IGSF21: variants seen among roughly 807,000 people sequenced by gnomAD.
The protein encoded by IGSF21 is immunoglobin superfamily member 21.
Under a neutral mutation model 46.8 loss-of-function variants are expected in IGSF21, and 28 were observed. The observed-to-expected ratio is 0.60, with a 90% CI of 0.44 to 0.82. The LOEUF is 0.82. Ranked by LOEUF, IGSF21 falls within the 40% of genes least tolerant of loss-of-function variation. The probability of loss-of-function intolerance (pLI) is 0.00; values close to 1 mark genes in which losing one functional copy is unlikely to be tolerated. For missense variants in IGSF21, 624 were observed against 665.5 expected (o/e 0.94, Z 0.69); for synonymous variants, 284 against 273.6 (o/e 1.04, Z -0.38).
At chr1:18,202,505 G>A (rs1037575824) in intron 1 of IGSF21, among the ~76,000 whole-genome samples, 8 of 152,204 alleles carry the variant, frequency 5.3e-5, no homozygotes, top group Non-Finnish European at 1.2e-4. Context: ...GGCTGAGGAG[G>A]CCTCAGAAAA....
intron 2 of IGSF21, among the ~76,000 whole-genome samples, chr1:18,287,385 ACT>A (rs2085225191): frequency 6.6e-6 from 1 of 151,746 alleles, no homozygotes; most frequent in African/African-American, 2.4e-5. Context: ...ACAGAGCGAG[ACT>A]CTGTCTCAAA....
At chr1:18,362,346 G>T (rs1479264077) in intron 5 of IGSF21, 116 bp downstream of exon 5, 7 of 725,980 alleles carry the variant, frequency 9.6e-6, no homozygotes, top group Non-Finnish European at 1.4e-5. Context: ...GGCCAGGGCT[G>T]ACTCTGTCCC....
chr1:18,158,449 C>T (rs962851415), intron 1 of IGSF21, among the ~76,000 whole-genome samples: 4 of 152,150 alleles, frequency 2.6e-5, no homozygotes, highest in Non-Finnish European at 4.4e-5. Flanking sequence ...ATTGGATGGA[C>T]GGCTTGTTAA....
chr1:18,369,986 A>G (rs577662510), intron 6 of IGSF21, among the ~76,000 whole-genome samples: 2 of 151,952 alleles, frequency 1.3e-5, no homozygotes, highest in South Asian at 2.1e-4. Context: ...CAGACCCCTC[A>G]CCTTTTCCAC....
chr1:18,113,659 C>G (rs773771174), intron 1 of IGSF21: 1 of 114,580 alleles, frequency 8.7e-6, no homozygotes, highest in Non-Finnish European at 1.6e-5. Flanking sequence ...GGTGAAACTA[C>G]TGGGTAAGGC....
At chr1:18,244,981 C>T (rs1376350303) in intron 2 of IGSF21, among the ~76,000 whole-genome samples, 1 of 152,164 alleles carries the variant, frequency 6.6e-6, no homozygotes, top group African/African-American at 2.4e-5. Flanking sequence ...GTTTCCTCAT[C>T]TCATGTAATG....
At chr1:18,356,933 AG>A in intron 4 of IGSF21, among the ~76,000 whole-genome samples, 1 of 151,306 alleles carries the variant, frequency 6.6e-6, no homozygotes, top group Middle Eastern at 3.4e-3. Flanking sequence ...ATGGAGATTG[AG>A]GATGGGGAGG....
At chr1:18,233,778 C>T (rs1240308278) in intron 2 of IGSF21, among the ~76,000 whole-genome samples, 1 of 152,110 alleles carries the variant, frequency 6.6e-6, no homozygotes, top group Non-Finnish European at 1.5e-5. Context: ...AGAGACAACG[C>T]TTTAAATGGT....
At position 18,378,278 on chromosome 1, in the gene IGSF21, C is replaced by CCGGCTCACCTTGGTGCT. The variant is rs764083076; in HGVS notation, c.1359_1375dup (p.Ala459GlyfsTer8). ...CAGGTTCCATTGGCCCCACTGGTGC[C>CCGGCTCACCTTGGTGCT]CGGCTCACCTTGGTGCTCGCCCTGA... is the stretch of plus-strand genomic sequence containing the variant. On this transcript the variant is annotated frameshift_variant, in exon 10 of 10. Transcript: ENST00000251296. LOFTEE classifies it high-confidence loss of function. 6.2e-7 allele frequency: 1 copy of CCGGCTCACCTTGGTGCT among 1,614,036 alleles called. No homozygotes were observed. The highest frequency in any genetic ancestry group is 8.5e-7 in the Non-Finnish European group (1 of 1,179,962).
chr1:18,266,946 AT>A lies in IGSF21; in HGVS notation c.184-24919del, dbSNP rs1553159057. On this transcript the variant is annotated intron_variant, in intron 2 of 9. Transcript: ENST00000251296. ...AAGGGAGACCCAGCAAATGGGGTCA[AT>A]GAAAGCTCTCTGCTTTCAGGAACTT... 9.1e-3 allele frequency among the ~76,000 whole-genome samples: 1,382 copies of A among 152,274 alleles called. 24 individuals carry two copies. The highest frequency in any genetic ancestry group is 0.028 in the African/African-American group (1,163 of 41,564).
chr1:18,110,097 G>C (rs1191144977), intron 1 of IGSF21: 1 of 152,254 alleles, frequency 6.6e-6, no homozygotes, highest in South Asian at 2.1e-4. Flanking sequence ...CCGCCTCTGC[G>C]GGCTGCGGGA....
At chr1:18,203,978 C>T (rs2087102125) in intron 1 of IGSF21, among the ~76,000 whole-genome samples, 1 of 152,194 alleles carries the variant, frequency 6.6e-6, no homozygotes, top group African/African-American at 2.4e-5. Flanking sequence ...CCATCGCTTG[C>T]CGAGAGCTGT....
intron 2 of IGSF21, among the ~76,000 whole-genome samples, chr1:18,272,681 G>A (rs913168135): frequency 7.9e-5 from 12 of 152,240 alleles, no homozygotes; most frequent in African/African-American, 2.9e-4. Flanking sequence ...TAGGTTGAGT[G>A]TGTCCCCTCG....
chr1:18,228,099 T>C, intron 2 of IGSF21, 89 bp downstream of exon 2: 1 of 1,012,014 alleles, frequency 9.9e-7, no homozygotes, highest in Admixed American at 1.8e-5. Context: ...CTGGTGTGGC[T>C]ATGACCTCAG....
intron 1 of IGSF21, among the ~76,000 whole-genome samples, chr1:18,152,583 G>C (rs1057329880): frequency 6.6e-6 from 1 of 152,106 alleles, no homozygotes; most frequent in African/African-American, 2.4e-5. Context: ...CCAGGCATCC[G>C]AACCTTTGCA....
At chr1:18,150,408 C>T (rs1295213900) in intron 1 of IGSF21, among the ~76,000 whole-genome samples, 1 of 151,154 alleles carries the variant, frequency 6.6e-6, no homozygotes. Flanking sequence ...CTTGGCATGG[C>T]GGGGGGGGTC....
At chr1:18,266,078 C>T (rs1229970935) in intron 2 of IGSF21, among the ~76,000 whole-genome samples, 1 of 152,176 alleles carries the variant, frequency 6.6e-6, no homozygotes, top group East Asian at 1.9e-4. Context: ...ACCCTGCAGG[C>T]TCTGGAATAG....
At chr1:18,216,793 A>G (rs553982937) in intron 1 of IGSF21, among the ~76,000 whole-genome samples, 1 of 152,268 alleles carries the variant, frequency 6.6e-6, no homozygotes, top group African/African-American at 2.4e-5. Context: ...CCAGCATGGA[A>G]GAGTGTATTT....
chr1:18,237,502 G>C (rs928592349), intron 2 of IGSF21, among the ~76,000 whole-genome samples: 7 of 152,210 alleles, frequency 4.6e-5, no homozygotes, highest in Non-Finnish European at 1.0e-4. Context: ...CAGACGAGCT[G>C]CTTCTGTCCC....
Sources: gnomAD v4.1 joint callset for allele counts (sites outside exome capture counted in the v4.1 genomes callset) on GRCh38, gnomAD v4.1.1 for gene constraint, MANE v1.5 for transcripts, NCBI Gene and HGNC (gene_info 2026-07-23, HGNC 2026-07-21) for gene names.